RAB33A: variants seen among roughly 807,000 people sequenced by gnomAD.
The protein encoded by RAB33A is ras-related protein Rab-33A.
A neutral mutation model predicts 12.0 loss-of-function variants in RAB33A; 6 were observed. The ratio of observed to expected loss-of-function variants is 0.50; its 90% CI spans 0.27 to 0.99. The LOEUF (loss-of-function observed/expected upper bound fraction) is 0.99, where lower values mean the gene tolerates loss of function less well. Ranked by LOEUF, RAB33A falls within the 50% of genes least tolerant of loss-of-function variation. RAB33A has a pLI of 0.11. For missense variants in RAB33A, 109 were observed against 192.0 expected, an observed-to-expected ratio of 0.57 and a Z score of 2.55; for synonymous variants, 70 against 82.4, an observed-to-expected ratio of 0.85 and a Z score of 0.81.
At chrX:130,136,932 T>C in the RAB33A span, 1 of 1,127,803 alleles carries the variant, frequency 8.9e-7, no homozygotes, top group African/African-American at 1.8e-5. Flanking sequence ...AACACCTAGA[T>C]GAACTTAGCT....
At chrX:130,171,693 G>T, upstream of RAB33A, 1 of 198,883 alleles carries the variant, frequency 5.0e-6, no homozygotes, top group South Asian at 1.3e-4. Flanking sequence ...GTGGGCCGAG[G>T]CGCGGCGGCG....
the RAB33A span, among the ~76,000 whole-genome samples, chrX:130,141,167 A>T: frequency 1.8e-5 from 2 of 112,193 alleles, no homozygotes; most frequent in South Asian, 7.3e-4. Context: ...AAAAACAAAC[A>T]AAAACAAAAA....
the RAB33A span, chrX:130,149,501 G>A: frequency 1.7e-6 from 2 of 1,210,705 alleles, no homozygotes; most frequent in Non-Finnish European, 2.2e-6. Context: ...TTTCTGTTCT[G>A]GTGTCAGCCC....
chrX:130,153,027 A>G, the RAB33A span, among the ~76,000 whole-genome samples: 4 of 110,781 alleles, frequency 3.6e-5, no homozygotes, highest in Admixed American at 9.6e-5. Context: ...ATCATGGTAA[A>G]AATTTTTAAA....
chrX:130,149,350 G>A, the RAB33A span: 1 of 606,350 alleles, frequency 1.6e-6, no homozygotes, highest in Admixed American at 2.3e-5. Flanking sequence ...CTTTCTAGAT[G>A]CTTGCAATCT....
chrX:130,178,189 G>A (rs1425262518), intron 1 of RAB33A, among the ~76,000 whole-genome samples: 2 of 110,434 alleles, frequency 1.8e-5, no homozygotes, highest in South Asian at 3.9e-4. Flanking sequence ...GTGCTGGTGC[G>A]TGCCTGTAGT....
At chrX:130,120,123 A>T in the RAB33A span, among the ~76,000 whole-genome samples, 5 of 112,243 alleles carry the variant, frequency 4.5e-5, no homozygotes, top group Non-Finnish European at 9.4e-5. Flanking sequence ...TGGCTTCTAG[A>T]GCTCAGGGCC....
At chrX:130,140,674 TTTTA>T in the RAB33A span, 1 of 915,346 alleles carries the variant, frequency 1.1e-6, no homozygotes. Flanking sequence ...ATTGAAAAAG[TTTTA>T]TTGAGATATA....
intron 1 of RAB33A, among the ~76,000 whole-genome samples, chrX:130,174,489 C>T (rs996894805): frequency 6.2e-5 from 7 of 112,137 alleles, no homozygotes; most frequent in African/African-American, 1.9e-4. Context: ...GCGGCTAGCA[C>T]GTGATCTAGA....
the RAB33A span, chrX:130,131,642 C>T: frequency 2.5e-6 from 3 of 1,211,085 alleles, no homozygotes; most frequent in Non-Finnish European, 3.4e-6. Context: ...TGCTTCTCAA[C>T]ACTCTCCAAG....
the RAB33A span, among the ~76,000 whole-genome samples, chrX:130,121,434 A>G: frequency 6.4e-5 from 7 of 109,437 alleles, no homozygotes; most frequent in East Asian, 2.0e-3. Context: ...CATTTTTAGT[A>G]GAGACAGGGT....
At chrX:130,124,326 A>T in the RAB33A span, among the ~76,000 whole-genome samples, 4 of 112,071 alleles carry the variant, frequency 3.6e-5, no homozygotes, top group African/African-American at 1.3e-4. Flanking sequence ...TGTTAAAGAA[A>T]TGAATACATT....
At chrX:130,140,497 G>GT in the RAB33A span, 1 of 1,113,415 alleles carries the variant, frequency 9.0e-7, no homozygotes, top group East Asian at 3.0e-5. Context: ...TGAATGAGCT[G>GT]TATCAGGGAA....
the RAB33A span, among the ~76,000 whole-genome samples, chrX:130,115,663 A>AAGAG: frequency 4.7e-4 from 47 of 99,619 alleles, no homozygotes; most frequent in African/African-American, 1.7e-3. Flanking sequence ...GAAAGAGAGA[A>AAGAG]AGAGAGAGAG....
At chrX:130,160,325 A>T in the RAB33A span, among the ~76,000 whole-genome samples, 2 of 111,425 alleles carry the variant, frequency 1.8e-5, no homozygotes, top group African/African-American at 6.5e-5. Flanking sequence ...TGTCTTACTA[A>T]CATGGAAAAG....
At chrX:130,122,258 A>G in the RAB33A span, among the ~76,000 whole-genome samples, 1 of 112,740 alleles carries the variant, frequency 8.9e-6, no homozygotes, top group Non-Finnish European at 1.9e-5. Flanking sequence ...TAGTTTCAAC[A>G]AGGTGCCTAA....
At chrX:130,129,787 AG>A in the RAB33A span, among the ~76,000 whole-genome samples, 1 of 111,791 alleles carries the variant, frequency 8.9e-6, no homozygotes, top group East Asian at 2.8e-4. Flanking sequence ...GCCAACTCCC[AG>A]GTCACCCAGC....
the RAB33A span, among the ~76,000 whole-genome samples, chrX:130,161,564 T>C: frequency 1.9e-5 from 2 of 107,011 alleles, no homozygotes; most frequent in Admixed American, 2.0e-4. Context: ...CTGTCCATTG[T>C]AGATAAATGA....
the RAB33A span, among the ~76,000 whole-genome samples, chrX:130,113,666 C>T: frequency 9.0e-6 from 1 of 111,093 alleles, no homozygotes; most frequent in Non-Finnish European, 1.9e-5. Context: ...TCAGGTGATG[C>T]GCCTGCCTTG....
Sources: allele counts gnomAD v4.1 joint callset (sites outside exome capture counted in the v4.1 genomes callset), GRCh38; gene constraint gnomAD v4.1.1; transcripts MANE v1.5; gene names NCBI Gene and HGNC (gene_info 2026-07-23, HGNC 2026-07-21).